The following PCGF2 variants were observed in gnomAD, a reference collection of about 807,000 sequenced individuals.
PCGF2 encodes the protein polycomb group ring finger 2.
A neutral mutation model predicts 36.1 loss-of-function variants in PCGF2; 8 were observed. That is an observed-to-expected ratio of 0.22 (90% CI 0.13 to 0.40). The LOEUF (loss-of-function observed/expected upper bound fraction) is 0.40. Among genes scored for constraint, PCGF2 ranks in the 10% least tolerant of loss-of-function variants. PCGF2 has a pLI of 1.00. For missense variants in PCGF2, 436 were observed against 475.9 expected, an observed-to-expected ratio of 0.92 and a Z score of 0.78; for synonymous variants, 198 against 191.2, an observed-to-expected ratio of 1.04 and a Z score of -0.29.
chr17:38,740,035 G>A (rs1381977415), intron 3 of PCGF2, among the ~76,000 whole-genome samples: 1 of 152,218 alleles, frequency 6.6e-6, no homozygotes, highest in Non-Finnish European at 1.5e-5. Context: ...GCGTCTTCAG[G>A]GCATAAAATT....
rs538583341 is a variant in PCGF2, at chr17:38,736,071, G to A, written c.657+19C>T. On this transcript the variant is annotated intron_variant, in intron 10 of 10. Coordinates refer to ENST00000620225, the MANE Select transcript of PCGF2 (RefSeq NM_007144.3). ...CCCTGTGGGAGTCTGCTCCCTGCCC[G>A]CCCCACTCGCTGGCTCACCCGCCGC... 6.5e-6 allele frequency: 10 copies of A among 1,538,656 alleles called. No homozygotes were observed. Among genetic ancestry groups the A allele is most frequent in the African/African-American group, 2.7e-5 (2 of 73,310 alleles).
In PCGF2 at chr17:38,739,749, C is replaced by T; in HGVS notation, c.113-67G>A. ...CCAACTCCAGGACCAGCCTCCCCGCCCTCTGCTCAGACTCAGATATCCCTC... is the reference window on the plus strand; with the variant it reads ...CCAACTCCAGGACCAGCCTCCCCGCTCTCTGCTCAGACTCAGATATCCCTC... On this transcript the variant is annotated intron_variant, in intron 3 of 10. Coordinates refer to ENST00000620225, the MANE Select transcript of PCGF2 (RefSeq NM_007144.3). The surrounding 1 kb of genome is among the most constrained non-coding windows in gnomAD (Gnocchi z 4.0). 8.6e-7 allele frequency: 1 copy of T among 1,169,556 alleles called. No individual in the cohort carries two copies. Among genetic ancestry groups the T allele is most frequent in the South Asian group, 1.2e-5 (1 of 82,074 alleles). 72.4% of individuals were successfully genotyped at this position (1,169,556 alleles called of 1,614,324 possible).
At position 38,738,764 on chromosome 17, in the gene PCGF2, G is replaced by A. The variant is rs139456880; in HGVS notation, c.414C>T (p.Tyr138=). 3.0e-4 allele frequency: 478 copies of A among 1,613,428 alleles called. 2 individuals are homozygous for A. In the South Asian group the frequency reaches 4.9e-3, roughly 17 times the overall value. Residue 138 remains tyrosine, a synonymous_variant, in exon 7 of 11, where the codon TAC becomes TAT. Transcript: ENST00000620225. Reference sequence around the variant, plus strand: ...TGGGCCAGACTTGCCTGGCACCTTCGTAGAATTCGATGGAGAGGCTGACAA... The same window carrying A: ...TGGGCCAGACTTGCCTGGCACCTTCATAGAATTCGATGGAGAGGCTGACAA... The part of the protein sequence containing the change: ...DEIVSLSIEF[Y]EGARDRDEKK...
At chr17:38,741,676 A>G (rs1038655488) in intron 2 of PCGF2, among the ~76,000 whole-genome samples, 1 of 152,016 alleles carries the variant, frequency 6.6e-6, no homozygotes, top group African/African-American at 2.4e-5. Context: ...CAGAAAATCC[A>G]CCATACGCTA....
At chr17:38,740,514 C>A in intron 2 of PCGF2, 72 bp from the exon 3 acceptor site, 1 of 1,113,992 alleles carries the variant, frequency 9.0e-7, no homozygotes, top group Non-Finnish European at 1.3e-6. Flanking sequence ...AATCCCAGCA[C>A]TTTGGGAGGC....
chr17:38,738,243 G>A (rs1200336783), intron 9 of PCGF2, 110 bp downstream of exon 9: 10 of 896,786 alleles, frequency 1.1e-5, no homozygotes, highest in African/African-American at 6.6e-5. Context: ...TCAGTTAACC[G>A]CGCAAGCCCT....
chr17:38,743,572 T>G (rs1368435206), intron 2 of PCGF2, among the ~76,000 whole-genome samples: 2 of 151,996 alleles, frequency 1.3e-5, no homozygotes, highest in African/African-American at 4.8e-5. Flanking sequence ...CCTTCTCCAG[T>G]TTAAGAAAAT....
rs1369036219 is a variant in PCGF2, at chr17:38,738,812, C to G, written c.366G>C (p.Lys122Asn). The change falls in exon 7 of 11, where the codon AAG becomes AAC. Residue 122 changes from lysine (K) to asparagine (N), a missense_variant. Around this residue, in one of 3 missense-constraint regions of PCGF2, gnomAD observed 189 missense variants for 219.3 expected, o/e 0.86. Coordinates refer to ENST00000620225, the MANE Select transcript of PCGF2 (RefSeq NM_007144.3). ...EDRGEVLEQE[K>N]GALSDDEIVS... ...CAATCTCATCATCACTCAGAGCCCC[C>G]TTCTCCTGCTCCAAGACCTCGCCGC... is the stretch of plus-strand genomic sequence containing the variant. 1 of 1,614,152 alleles carries G rather than the reference C, an allele frequency of 6.2e-7. No homozygotes were observed.
rs534053659 is a variant in PCGF2, at chr17:38,735,163, C to T, written c.*60G>A. The T allele has an allele frequency of 3.7e-5, 47 of 1,266,830 alleles. No homozygotes were observed. In the African/African-American group the frequency reaches 7.0e-4, roughly 19 times the overall value. 78.5% of individuals were successfully genotyped at this position (1,266,830 alleles called of 1,614,324 possible). ...AAAGTAGAAGAGGTGGAAAAAAGGG[C>T]CCAGAAAAAGTGGAAGGAGTGGAGA... is the stretch of plus-strand genomic sequence containing the variant. On this transcript the variant is annotated 3_prime_UTR_variant, in exon 11 of 11. Coordinates refer to ENST00000620225, the MANE Select transcript of PCGF2 (RefSeq NM_007144.3).
In PCGF2 at chr17:38,739,027, G is replaced by A; in HGVS notation, c.316+41C>T. On this transcript the variant is annotated intron_variant, in intron 6 of 10. Coordinates refer to ENST00000620225, the MANE Select transcript of PCGF2 (RefSeq NM_007144.3). This position sits in a 1 kb window ranked among gnomAD's most constrained non-coding sequence, Gnocchi z 4.0. The stretch of plus-strand genomic sequence containing the variant: ...AGCGCTACACACCTACATGGTCCCA[G>A]GCAAGACTGTGCACACACAAACAGA... 2 of 1,609,544 alleles carry A rather than the reference G, an allele frequency of 1.2e-6. No homozygotes were observed. Among genetic ancestry groups the A allele is most frequent in the Non-Finnish European group, 1.7e-6 (2 of 1,177,548 alleles).
Position 38,739,372 on chromosome 17 carries a change from C to A in PCGF2, c.210-119G>T. 2 of 987,170 alleles carry A rather than the reference C, an allele frequency of 2.0e-6. No homozygotes were observed. Among genetic ancestry groups the A allele is most frequent in the Non-Finnish European group, 3.2e-6 (2 of 627,106 alleles). The allele number at this position is 987,170 out of a possible 1,614,324, so 61.2% of individuals were successfully genotyped here. On this transcript the variant is annotated intron_variant, in intron 4 of 10. Transcript: ENST00000620225. This position sits in a 1 kb window ranked among gnomAD's most constrained non-coding sequence, Gnocchi z 4.0. ...CCCCTTCCTGAGACCGGTGCCCAGG[C>A]ATTAGGATCCCTGTGGGTCTGGTCT...
At chr17:38,749,718 A>C, upstream of PCGF2, 1 of 455,508 alleles carries the variant, frequency 2.2e-6, no homozygotes, top group South Asian at 1.5e-5. The surrounding 1 kb of genome is among the most constrained non-coding windows in gnomAD (Gnocchi z 6.5). Flanking sequence ...GGCAGCCGCG[A>C]AGCTGGGGGC....
chr17:38,744,947 G>C (rs1320302573), intron 2 of PCGF2, among the ~76,000 whole-genome samples: 1 of 152,186 alleles, frequency 6.6e-6, no homozygotes, highest in East Asian at 1.9e-4. Context: ...GGGCGTGGTG[G>C]CTCACACCTG....
Position 38,739,322 on chromosome 17 carries a change from C to T in PCGF2, c.210-69G>A, listed in dbSNP as rs1373318623. ...AGCGCTCCGACCTCGCCCTGCTCTCCCAGCCAGGGTACCCCTCTTCCCACC... is the reference window on the plus strand; with the variant it reads ...AGCGCTCCGACCTCGCCCTGCTCTCTCAGCCAGGGTACCCCTCTTCCCACC... On this transcript the variant is annotated intron_variant, in intron 4 of 10. Transcript: ENST00000620225. This position sits in a 1 kb window ranked among gnomAD's most constrained non-coding sequence, Gnocchi z 4.0. 4.4e-5 allele frequency: 62 copies of T among 1,401,960 alleles called. No homozygotes were observed. Among genetic ancestry groups the T allele is most frequent in the Non-Finnish European group, 6.2e-5 (61 of 989,766 alleles). The allele number at this position is 1,401,960 out of a possible 1,614,324, so 86.8% of individuals were successfully genotyped here. A position where few individuals can be genotyped will look rare whatever the true frequency, so the allele number is the denominator to read the frequency against.
upstream of PCGF2, among the ~76,000 whole-genome samples, chr17:38,748,744 G>C (rs1567639111): frequency 6.6e-6 from 1 of 152,142 alleles, no homozygotes; most frequent in Non-Finnish European, 1.5e-5. Context: ...AAGGTGGCTC[G>C]TGGTCCTCCA....
Position 38,735,468 on chromosome 17 carries a change from G to A in PCGF2, c.790C>T (p.Pro264Ser). 6.3e-7 allele frequency: 1 copy of A among 1,591,020 alleles called. No individual in the cohort carries two copies. Among genetic ancestry groups the A allele is most frequent in the Non-Finnish European group, 8.6e-7 (1 of 1,168,898 alleles). Residue 264 changes from proline (P) to serine (S), a missense_variant, in exon 11 of 11, where the codon CCC becomes TCC. Transcript: ENST00000620225. ...GTGGCTGGCAGGGTGGCAGGGCTGG[G>A]AGCCTTGTCGCTGACTGACTCACAC... ...SECESVSDKA[P>S]SPATLPATSS...
In PCGF2 at chr17:38,739,701, G is replaced by T; in HGVS notation, c.113-19C>A. 6.3e-7 allele frequency: 1 copy of T among 1,599,764 alleles called. No individual in the cohort carries two copies. Among genetic ancestry groups the T allele is most frequent in the Non-Finnish European group, 8.6e-7 (1 of 1,166,918 alleles). The stretch of plus-strand genomic sequence containing the variant: ...TTGCAGACTTGGGGGTGTGGAGAGA[G>T]AGAGGAGAGTCAGAGCCAACTTCCA... On this transcript the variant is annotated intron_variant, in intron 3 of 10. Transcript: ENST00000620225. This position sits in a 1 kb window ranked among gnomAD's most constrained non-coding sequence, Gnocchi z 4.0.
chr17:38,738,345 G>C lies in PCGF2; in HGVS notation c.576+8C>G. On this transcript the variant is annotated splice_region_variant and intron_variant, in intron 9 of 10. Transcript: ENST00000620225. ...GACACTCATTTTTTGAAAGGCCCAG[G>C]GACCCACCTTGTACTTGCTGGGCAC... 1 of 1,611,190 alleles carries C rather than the reference G, an allele frequency of 6.2e-7. No individual in the cohort carries two copies. Among genetic ancestry groups the C allele is most frequent in the Non-Finnish European group, 8.5e-7 (1 of 1,177,342 alleles).
upstream of PCGF2, chr17:38,749,558 C>A: frequency 2.3e-6 from 1 of 441,388 alleles, no homozygotes; most frequent in Non-Finnish European, 4.7e-6. This position sits in a 1 kb window ranked among gnomAD's most constrained non-coding sequence, Gnocchi z 6.5. Context: ...ATGGCGGCCG[C>A]GTCTGTCCCT....
Sources: allele counts gnomAD v4.1 joint callset (sites outside exome capture counted in the v4.1 genomes callset), GRCh38; gene constraint gnomAD v4.1.1; regional missense constraint gnomAD v4.1.1; non-coding constraint Gnocchi (gnomAD v3.1); transcripts MANE v1.5; gene names NCBI Gene and HGNC (gene_info 2026-07-23, HGNC 2026-07-21).